The following CSMD1 variants were observed in gnomAD, a reference collection of about 807,000 sequenced individuals.
CSMD1 encodes CUB and Sushi multiple domains 1.
Under a neutral mutation model 417.5 loss-of-function variants are expected in CSMD1, and 213 were observed. The ratio of observed to expected loss-of-function variants is 0.51; its 90% CI spans 0.46 to 0.57. The LOEUF is 0.57. Among genes scored for constraint, CSMD1 ranks in the 20% least tolerant of loss-of-function variants. CSMD1 has a pLI of 0.00. For synonymous variants in CSMD1, 2,862 were observed against 1,736.8 expected, an observed-to-expected ratio of 1.65 and a Z score of -16.11; for missense variants, 6,923 against 4,529.7, an observed-to-expected ratio of 1.53 and a Z score of -15.17.
At chr8:4,907,800 A>C (rs1266402689) in intron 1 of CSMD1, among the ~76,000 whole-genome samples, 1 of 151,698 alleles carries the variant, frequency 6.6e-6, no homozygotes, top group Non-Finnish European at 1.5e-5. Context: ...CCCTGGGCTC[A>C]AGCAATCCTC....
At chr8:4,901,936 T>C (rs1431751762) in intron 1 of CSMD1, among the ~76,000 whole-genome samples, 7 of 152,196 alleles carry the variant, frequency 4.6e-5, no homozygotes, top group African/African-American at 9.7e-5. Context: ...CAGTCAGATA[T>C]TGATCTTCAC....
chr8:3,866,516 C>G (rs1455562948), intron 5 of CSMD1, among the ~76,000 whole-genome samples: 2 of 152,170 alleles, frequency 1.3e-5, no homozygotes, highest in East Asian at 3.9e-4. Flanking sequence ...GGTAAAGCAT[C>G]ATGATCTAAT....
At chr8:4,167,287 G>T (rs1020279010) in intron 3 of CSMD1, among the ~76,000 whole-genome samples, 1 of 152,122 alleles carries the variant, frequency 6.6e-6, no homozygotes, top group Non-Finnish European at 1.5e-5. Context: ...TAGAAAATTC[G>T]TGTCTATAAC....
At chr8:3,426,695 C>A (rs528906786) in intron 12 of CSMD1, among the ~76,000 whole-genome samples, 1 of 152,154 alleles carries the variant, frequency 6.6e-6, no homozygotes, top group Non-Finnish European at 1.5e-5. Flanking sequence ...ACATTACAAA[C>A]CACTAAGTCA....
chr8:3,712,786 G>C (rs559096305), intron 6 of CSMD1, among the ~76,000 whole-genome samples: 2 of 152,282 alleles, frequency 1.3e-5, no homozygotes, highest in African/African-American at 2.4e-5. Flanking sequence ...GTTGGGTAAG[G>C]TGATTCCTTA....
At chr8:4,719,817 T>C (rs1364774290) in intron 1 of CSMD1, among the ~76,000 whole-genome samples, 1 of 152,190 alleles carries the variant, frequency 6.6e-6, no homozygotes, top group Non-Finnish European at 1.5e-5. Context: ...TGCCTTTTAC[T>C]TTCATAAATA....
intron 4 of CSMD1, among the ~76,000 whole-genome samples, chr8:4,029,898 C>G (rs914333518): frequency 6.6e-6 from 1 of 151,974 alleles, no homozygotes; most frequent in Non-Finnish European, 1.5e-5. Flanking sequence ...AGAAATTGGT[C>G]AAAACAAAGG....
intron 5 of CSMD1, among the ~76,000 whole-genome samples, chr8:3,943,359 T>TA (rs35048709): frequency 0.13 from 17,290 of 137,996 alleles, 1,172 homozygotes; most frequent in East Asian, 0.34. Context: ...TCAATTTTGT[T>TA]AAAAAAAAAA....
chr8:4,308,086 G>A (rs13263350), intron 3 of CSMD1, among the ~76,000 whole-genome samples: 6 of 152,022 alleles, frequency 3.9e-5, no homozygotes, highest in South Asian at 4.1e-4. Flanking sequence ...GTCTTTATTC[G>A]AACAGTGGCA....
At chr8:3,159,923 T>C (rs1819778357) in intron 38 of CSMD1, among the ~76,000 whole-genome samples, 1 of 152,156 alleles carries the variant, frequency 6.6e-6, no homozygotes, top group Non-Finnish European at 1.5e-5. Flanking sequence ...AGTCTCACCA[T>C]CAGGTAGAAA....
chr8:4,619,157 C>T (rs74662352), intron 2 of CSMD1, among the ~76,000 whole-genome samples: 4,392 of 152,100 alleles, frequency 0.029, 191 homozygotes, highest in East Asian at 0.17. Flanking sequence ...AAGAAATGAA[C>T]GTTTATCACT....
chr8:4,337,341 G>A (rs760499270), intron 3 of CSMD1, among the ~76,000 whole-genome samples: 1 of 151,992 alleles, frequency 6.6e-6, no homozygotes, highest in African/African-American at 2.4e-5. Context: ...CCCAGCAACC[G>A]ACATTGTTGC....
intron 2 of CSMD1, among the ~76,000 whole-genome samples, chr8:4,427,131 T>C (rs1797605556): frequency 6.6e-6 from 1 of 151,938 alleles, no homozygotes; most frequent in African/African-American, 2.4e-5. Context: ...AAGCCTCTCC[T>C]GCCAGGTAGG....
At chr8:4,924,017 C>A (rs1806683851) in intron 1 of CSMD1, among the ~76,000 whole-genome samples, 2 of 152,098 alleles carry the variant, frequency 1.3e-5, no homozygotes, top group African/African-American at 4.8e-5. Context: ...TCATTTTTGT[C>A]CTCTGTCACA....
intron 3 of CSMD1, among the ~76,000 whole-genome samples, chr8:4,314,379 G>A (rs1039019636): frequency 6.6e-6 from 1 of 152,108 alleles, no homozygotes; most frequent in Non-Finnish European, 1.5e-5. Flanking sequence ...TTTCTGTCAG[G>A]GCCAGAGTTC....
intron 1 of CSMD1, among the ~76,000 whole-genome samples, chr8:4,828,188 T>C (rs908916067): frequency 1.3e-5 from 2 of 152,168 alleles, no homozygotes; most frequent in African/African-American, 4.8e-5. Flanking sequence ...ATTTAAGTGT[T>C]TTCAAAGCAG....
intron 2 of CSMD1, 54 bp downstream of exon 2, chr8:4,637,288 A>G: frequency 7.2e-7 from 1 of 1,392,020 alleles, no homozygotes; most frequent in Non-Finnish European, 1.0e-6. Context: ...ACTAGATTTC[A>G]TAATCTGTGT....
At chr8:4,352,153 T>A (rs1801136079) in intron 3 of CSMD1, among the ~76,000 whole-genome samples, 1 of 152,150 alleles carries the variant, frequency 6.6e-6, no homozygotes, top group Admixed American at 6.5e-5. Context: ...CAGAATATCA[T>A]TTTTATATTA....
intron 3 of CSMD1, among the ~76,000 whole-genome samples, chr8:4,054,872 T>G (rs889414177): frequency 6.6e-6 from 1 of 152,162 alleles, no homozygotes; most frequent in Non-Finnish European, 1.5e-5. Flanking sequence ...TGAAATGTTC[T>G]GTGACATACA....
Sources: gnomAD v4.1 joint callset for allele counts (sites outside exome capture counted in the v4.1 genomes callset) on GRCh38, gnomAD v4.1.1 for gene constraint, MANE v1.5 for transcripts, NCBI Gene and HGNC (gene_info 2026-07-23, HGNC 2026-07-21) for gene names.